The following TRIP12 variants were observed in gnomAD, a reference collection of about 807,000 sequenced individuals.
TRIP12 encodes thyroid hormone receptor interactor 12, also known as E3 ubiquitin-protein ligase TRIP12.
In TRIP12, 25 loss-of-function variants were observed where a neutral mutation model predicts 244.2. The observed-to-expected ratio is 0.10, with a 90% confidence interval of 0.07 to 0.14. TRIP12 has a LOEUF of 0.14. Ranked by LOEUF, TRIP12 falls within the 10% of genes least tolerant of loss-of-function variation. The pLI, the probability that TRIP12 is intolerant of heterozygous loss-of-function variation, is 1.00. For synonymous variants in TRIP12, 905 were observed against 873.1 expected, an observed-to-expected ratio of 1.04 and a Z score of -0.64; for missense variants, 1,677 against 2,486.4, an observed-to-expected ratio of 0.67 and a Z score of 6.92.
chr2:229,910,771 G>C (rs1003543007), intron 1 of TRIP12, among the ~76,000 whole-genome samples: 4 of 152,198 alleles, frequency 2.6e-5, no homozygotes, highest in Non-Finnish European at 5.9e-5. Context: ...AGGATGAAGA[G>C]TAGAGTAAAA....
At chr2:229,840,973 T>C (rs1444978407) in intron 4 of TRIP12, 46 bp from the exon 5 acceptor site, 3 of 1,340,128 alleles carry the variant, frequency 2.2e-6, no homozygotes, top group Non-Finnish European at 2.0e-6. Context: ...TGAGAAATTA[T>C]CACTAATTAA....
At chr2:229,851,196 G>C (rs1318771740) in intron 4 of TRIP12, among the ~76,000 whole-genome samples, 1 of 152,244 alleles carries the variant, frequency 6.6e-6, no homozygotes, top group African/African-American at 2.4e-5. Context: ...TGGTGGGGAC[G>C]TGGAGAACCT....
intron 34 of TRIP12, among the ~76,000 whole-genome samples, chr2:229,782,478 G>A (rs1376759864): frequency 6.6e-6 from 1 of 152,062 alleles, no homozygotes; most frequent in South Asian, 2.1e-4. Flanking sequence ...CATTCAGTTG[G>A]CACCTGTACC....
intron 39 of TRIP12, 131 bp downstream of exon 39, chr2:229,771,388 A>C: frequency 1.6e-6 from 1 of 639,016 alleles, no homozygotes. Context: ...TCTTTCCCAA[A>C]CATCCATCCC....
intron 9 of TRIP12, among the ~76,000 whole-genome samples, chr2:229,815,717 GCA>G (rs981993811): frequency 1.3e-5 from 2 of 151,664 alleles, no homozygotes; most frequent in African/African-American, 4.8e-5. Context: ...ACAAATGTCA[GCA>G]CAGATTCAGG....
At chr2:229,862,948 A>G (rs1317902808) in intron 2 of TRIP12, among the ~76,000 whole-genome samples, 2 of 152,152 alleles carry the variant, frequency 1.3e-5, no homozygotes. Context: ...AGCAATGCCC[A>G]GCAGGGCACG....
chr2:229,842,288 G>C (rs1256920755), intron 4 of TRIP12, among the ~76,000 whole-genome samples: 1 of 152,130 alleles, frequency 6.6e-6, no homozygotes, highest in African/African-American at 2.4e-5. Context: ...AGAATTACCT[G>C]ATATAATCAT....
chr2:229,891,415 A>G (rs2067331415), intron 1 of TRIP12, among the ~76,000 whole-genome samples: 1 of 151,934 alleles, frequency 6.6e-6, no homozygotes. Context: ...ACAGAGCGAA[A>G]CTGTCTCAAA....
intron 1 of TRIP12, among the ~76,000 whole-genome samples, chr2:229,896,339 T>G (rs1480916564): frequency 6.6e-6 from 1 of 152,086 alleles, no homozygotes; most frequent in Non-Finnish European, 1.5e-5. Flanking sequence ...CATCTCTCTA[T>G]TAAAAATAAT....
chr2:229,855,971 G>C (rs990353286), intron 4 of TRIP12, among the ~76,000 whole-genome samples: 3 of 151,658 alleles, frequency 2.0e-5, no homozygotes, highest in East Asian at 1.9e-4. Context: ...CTGGGAGGTA[G>C]AGGTTGCGGT....
chr2:229,880,072 T>C lies in TRIP12; in HGVS notation c.8A>G (p.Asn3Ser), dbSNP rs746096308. ...CCCCCCTGGATTGTTATTAGGCCGG[T>C]TGGACATTGGCACCTCTCTCTTGAA... The part of the protein sequence containing the change: MS[N>S]RPNNNPGGSL... The change falls in exon 2 of 42, where the codon AAC becomes AGC. Residue 3 changes from asparagine to serine, a missense_variant. Coordinates refer to ENST00000675903, the MANE Select transcript of TRIP12 (RefSeq NM_001348323.3). 1.2e-5 allele frequency: 20 copies of C among 1,614,054 alleles called. No homozygotes were observed. The highest frequency in any genetic ancestry group is 8.8e-5 in the South Asian group (8 of 91,082).
chr2:229,778,521 G>C lies in TRIP12; in HGVS notation c.5276C>G (p.Thr1759Arg). Residue 1759 changes from threonine to arginine, a missense_variant, in exon 36 of 42, where the codon ACA becomes AGA. Physicochemically the swap from Thr to Arg is moderately conservative, Grantham distance 71. Coordinates refer to ENST00000675903, the MANE Select transcript of TRIP12 (RefSeq NM_001348323.3). This position sits in a 1 kb window ranked among gnomAD's most constrained non-coding sequence, Gnocchi z 4.1. ...CTTTGCGATATGAGCTGGCTTTGCT[G>C]TCCTACCAAAGGGAAGCGCAAACAG... ...QGLFALPFGRTAKPAHIAKVK... is the reference protein window; with the variant it reads ...QGLFALPFGRRAKPAHIAKVK... The C allele has an allele frequency of 1.2e-6, 2 of 1,614,022 alleles. No individual in the cohort carries two copies. Among genetic ancestry groups the C allele is most frequent in the South Asian group, 2.2e-5 (2 of 91,072 alleles).
In TRIP12 at chr2:229,878,443, TAAA is replaced by T. The variant is rs779143943; in HGVS notation, c.98+1536_98+1538del. ...CCAGCCTGGGCGACAGCAACTGTTT[TAAA>T]AAAAAAAAAAAAGAAAACAAAACAA... On this transcript the variant is annotated intron_variant, in intron 2 of 41. Transcript: ENST00000675903. Among the ~76,000 whole-genome samples the T allele has an allele frequency of 2.2e-5, 3 of 133,352 alleles. No homozygotes were observed. In the Admixed American group the frequency reaches 2.3e-4, roughly 10 times the overall value. The allele number at this position is 133,352 out of a possible 152,430, so 87.5% of individuals were successfully genotyped here.
At chr2:229,810,440 G>A (rs184795714) in intron 15 of TRIP12, among the ~76,000 whole-genome samples, 55 of 152,282 alleles carry the variant, frequency 3.6e-4, no homozygotes, top group Non-Finnish European at 1.8e-4. Flanking sequence ...AAACATCAGA[G>A]ACATTCATCA....
intron 5 of TRIP12, among the ~76,000 whole-genome samples, chr2:229,838,536 C>G (rs757551948): frequency 9.2e-5 from 14 of 152,138 alleles, no homozygotes; most frequent in Non-Finnish European, 1.8e-4. Flanking sequence ...TGCTAATTAT[C>G]GTTGAGTAGA....
intron 2 of TRIP12, among the ~76,000 whole-genome samples, chr2:229,869,136 T>C (rs1233688616): frequency 6.6e-6 from 1 of 152,218 alleles, no homozygotes; most frequent in Non-Finnish European, 1.5e-5. Context: ...ACCACTAATA[T>C]CTAGGAGATG....
chr2:229,917,270 A>C (rs1319160214), intron 1 of TRIP12, among the ~76,000 whole-genome samples: 1 of 151,406 alleles, frequency 6.6e-6, no homozygotes, highest in Non-Finnish European at 1.5e-5. Flanking sequence ...AGTCCCAGCT[A>C]CTCGGGAGGC....
At chr2:229,771,673 A>G (rs765313966) in intron 38 of TRIP12, 41 bp from the exon 39 acceptor site, 1 of 1,475,050 alleles carries the variant, frequency 6.8e-7, no homozygotes, top group South Asian at 1.1e-5. Context: ...ACAAGATTTC[A>G]AATCTCTTTA....
Position 229,840,886 on chromosome 2 carries a change from C to G in TRIP12, c.1069G>C (p.Ala357Pro). 1.9e-6 allele frequency: 3 copies of G among 1,610,144 alleles called. No homozygotes were observed. The highest frequency in any genetic ancestry group is 2.5e-6 in the Non-Finnish European group (3 of 1,179,016). Reference protein sequence around the residue: ...STKKRSESPPAELPSLRRSTR... With the variant: ...STKKRSESPPPELPSLRRSTR... Reference sequence around the variant, plus strand: ...CTCCGCCTCAAACTGGGGAGCTCAGCAGGTGGAGACTCACTGCGTTTCTTC... The same window carrying G: ...CTCCGCCTCAAACTGGGGAGCTCAGGAGGTGGAGACTCACTGCGTTTCTTC... The change falls in exon 5 of 42, where the codon GCT (alanine) becomes CCT (proline). Residue 357 changes from alanine (A) to proline (P), a missense_variant. Physicochemically the swap from Ala to Pro is conservative, Grantham distance 27. Around this residue, in one of 11 missense-constraint regions of TRIP12, gnomAD observed 143 missense variants for 215.6 expected, o/e 0.66. Coordinates refer to ENST00000675903, the MANE Select transcript of TRIP12 (RefSeq NM_001348323.3).
Sources: gnomAD v4.1 joint callset for allele counts (sites outside exome capture counted in the v4.1 genomes callset) on GRCh38, gnomAD v4.1.1 for gene constraint, gnomAD v4.1.1 regional missense constraint, Gnocchi (gnomAD v3.1) non-coding constraint, MANE v1.5 for transcripts, NCBI Gene and HGNC (gene_info 2026-07-23, HGNC 2026-07-21) for gene names.